GATAD2A: variants seen among roughly 807,000 people sequenced by gnomAD.
GATAD2A encodes the protein GATA zinc finger domain containing 2A.
GATAD2A carries 12 observed loss-of-function variants against 68.5 expected under a neutral mutation model. The observed-to-expected ratio is 0.18, with a 90% confidence interval of 0.11 to 0.28. The LOEUF is 0.28. Among genes scored for constraint, GATAD2A ranks in the 10% least tolerant of loss-of-function variants. The pLI, the probability that GATAD2A is intolerant of heterozygous loss-of-function variation, is 1.00. For missense variants in GATAD2A, 755 were observed against 868.5 expected (o/e 0.87, Z 1.64); for synonymous variants, 410 against 375.3 (o/e 1.09, Z -1.07).
In GATAD2A at chr19:19,496,100, C is replaced by T. The variant is rs1294054891; in HGVS notation, c.805C>T (p.Leu269Phe). Residue 269 changes from leucine (L) to phenylalanine (F), a missense_variant, in exon 7 of 12, where the codon CTC (leucine) becomes TTC (phenylalanine). Coordinates refer to ENST00000683918, the MANE Select transcript of GATAD2A (RefSeq NM_001384528.1). ...QHSSTGPPPL[L>F]LAPRASVPSV... ...TTCCAGCACAGGGCCACCGCCCCTC[C>T]TCCTGGCCCCCCGGGCGTCGGTGCC... 1.2e-6 allele frequency: 2 copies of T among 1,613,686 alleles called. No individual in the cohort carries two copies. Among genetic ancestry groups the T allele is most frequent in the Non-Finnish European group, 8.5e-7 (1 of 1,179,814 alleles).
chr19:19,497,701 C>T (rs886865041), intron 7 of GATAD2A, among the ~76,000 whole-genome samples: 1 of 152,158 alleles, frequency 6.6e-6, no homozygotes, highest in African/African-American at 2.4e-5. Flanking sequence ...TGTCCATTTT[C>T]TGGGGGTGGG....
intron 1 of GATAD2A, chr19:19,440,002 A>G (rs956234982): frequency 5.0e-5 from 9 of 178,410 alleles, no homozygotes; most frequent in Non-Finnish European, 9.5e-5. Context: ...GAAACAAACA[A>G]AGCTGGGAAT....
chr19:19,456,559 A>C (rs1332320542), intron 1 of GATAD2A, among the ~76,000 whole-genome samples: 1 of 152,136 alleles, frequency 6.6e-6, no homozygotes, highest in Non-Finnish European at 1.5e-5. Context: ...CCTAACCCTT[A>C]TGTCCATAAG....
chr19:19,502,300 A>G (rs943895124), intron 10 of GATAD2A, 31 bp from the exon 11 acceptor site: 57 of 1,543,070 alleles, frequency 3.7e-5, no homozygotes, highest in Non-Finnish European at 5.0e-5. Context: ...TTTTCCCTGC[A>G]TGAGCCGTCA....
In GATAD2A at chr19:19,501,951, C is replaced by G. The variant is rs1311410073; in HGVS notation, c.1504-18C>G. 6.2e-7 allele frequency: 1 copy of G among 1,610,988 alleles called. No homozygotes were observed. The highest frequency in any genetic ancestry group is 8.5e-7 in the Non-Finnish European group (1 of 1,177,184). ...CAGCGGACCGCACTGACTTTGCTTTCAACCCCCGTTTGTGTAGGTCATAAA... is the reference window on the plus strand; with the variant it reads ...CAGCGGACCGCACTGACTTTGCTTTGAACCCCCGTTTGTGTAGGTCATAAA... On this transcript the variant is annotated intron_variant, in intron 9 of 11. Coordinates refer to ENST00000683918, the MANE Select transcript of GATAD2A (RefSeq NM_001384528.1).
chr19:19,398,984 G>A (rs1241525035), intron 1 of GATAD2A, among the ~76,000 whole-genome samples: 5 of 152,080 alleles, frequency 3.3e-5, no homozygotes, highest in Non-Finnish European at 5.9e-5. Flanking sequence ...GCTTGAACCC[G>A]GGCAGCAGGG....
Position 19,452,274 on chromosome 19 carries a change from G to T in GATAD2A, c.-6-13066G>T, listed in dbSNP as rs118153892. ...CCTTCCCAGTCTTCTTGTTGCCCTT[G>T]GCTTCCCTGGATCCCACAGCCCAGG... On this transcript the variant is annotated intron_variant, in intron 1 of 11. Coordinates refer to ENST00000683918, the MANE Select transcript of GATAD2A (RefSeq NM_001384528.1). 9.2e-5 allele frequency among the ~76,000 whole-genome samples: 14 copies of T among 152,206 alleles called. No individual in the cohort carries two copies. In the East Asian group the frequency reaches 2.7e-3, roughly 29 times the overall value.
At chr19:19,411,014 A>G (rs1167089909) in intron 1 of GATAD2A, among the ~76,000 whole-genome samples, 1 of 152,264 alleles carries the variant, frequency 6.6e-6, no homozygotes, top group South Asian at 2.1e-4. Context: ...AAGCATTAAC[A>G]ACTGCCCCAC....
intron 1 of GATAD2A, among the ~76,000 whole-genome samples, chr19:19,454,351 A>C (rs2056716246): frequency 1.3e-5 from 2 of 150,440 alleles, no homozygotes. Context: ...TAATCCCAGC[A>C]CTTTGGGAGG....
chr19:19,429,971 T>C (rs973786673), intron 1 of GATAD2A, among the ~76,000 whole-genome samples: 2 of 152,026 alleles, frequency 1.3e-5, no homozygotes, highest in African/African-American at 4.8e-5. Context: ...CTCCCCTGAC[T>C]TCTTGGCGGC....
chr19:19,397,444 C>T (rs2049345287), intron 1 of GATAD2A, among the ~76,000 whole-genome samples: 1 of 151,952 alleles, frequency 6.6e-6, no homozygotes, highest in South Asian at 2.1e-4. Context: ...AGGCTGGTCT[C>T]GAACTCCCGA....
intron 1 of GATAD2A, among the ~76,000 whole-genome samples, chr19:19,464,068 G>A (rs1316655367): frequency 1.3e-5 from 2 of 152,188 alleles, no homozygotes; most frequent in African/African-American, 2.4e-5. Context: ...GCTTCCAGAC[G>A]GTCTGCCTGG....
chr19:19,417,998 T>C (rs1343610452), intron 1 of GATAD2A, among the ~76,000 whole-genome samples: 3 of 152,038 alleles, frequency 2.0e-5, no homozygotes, highest in Admixed American at 1.3e-4. Context: ...GATGCAGACA[T>C]CTGGGGCACT....
At chr19:19,430,133 T>C (rs1169808940) in intron 1 of GATAD2A, among the ~76,000 whole-genome samples, 1 of 152,210 alleles carries the variant, frequency 6.6e-6, no homozygotes, top group Non-Finnish European at 1.5e-5. Context: ...CAGTGTGTTC[T>C]TGAGTACTGA....
intron 5 of GATAD2A, among the ~76,000 whole-genome samples, chr19:19,494,625 A>G (rs2060023109): frequency 6.6e-6 from 1 of 152,246 alleles, no homozygotes; most frequent in Non-Finnish European, 1.5e-5. Context: ...CATGGCCAAC[A>G]CTGGAAGGGG....
At chr19:19,490,537 G>C (rs1330658451) in intron 2 of GATAD2A, among the ~76,000 whole-genome samples, 1 of 152,156 alleles carries the variant, frequency 6.6e-6, no homozygotes, top group Non-Finnish European at 1.5e-5. Flanking sequence ...CTTTGTCCGA[G>C]TTTGTTCTCT....
At chr19:19,395,275 C>T (rs1247159181) in intron 1 of GATAD2A, among the ~76,000 whole-genome samples, 2 of 151,930 alleles carry the variant, frequency 1.3e-5, no homozygotes, top group South Asian at 2.1e-4. Context: ...GCCAACATGG[C>T]GAAACCCCGT....
chr19:19,394,674 G>C (rs1007424494), intron 1 of GATAD2A, among the ~76,000 whole-genome samples: 5 of 152,014 alleles, frequency 3.3e-5, no homozygotes, highest in Admixed American at 6.6e-5. Flanking sequence ...CTTGAACTGA[G>C]CTCAGAAAAT....
chr19:19,404,589 G>A (rs1316099786), upstream of GATAD2A, among the ~76,000 whole-genome samples: 4 of 152,162 alleles, frequency 2.6e-5, no homozygotes, highest in Admixed American at 2.6e-4. Context: ...GGCTGAGGCA[G>A]GGGAATCCGT....
Sources: gnomAD v4.1 joint callset for allele counts (sites outside exome capture counted in the v4.1 genomes callset) on GRCh38, gnomAD v4.1.1 for gene constraint, MANE v1.5 for transcripts, NCBI Gene and HGNC (gene_info 2026-07-23, HGNC 2026-07-21) for gene names.